SLCO6A1: variants seen among roughly 807,000 people sequenced by gnomAD.
SLCO6A1 encodes the protein solute carrier organic anion transporter family member 6A1, also known as cancer/testis antigen 48.
In SLCO6A1, 65 loss-of-function variants were observed where a neutral mutation model predicts 72.7. The observed-to-expected ratio is 0.89, with a 90% CI of 0.73 to 1.10. The LOEUF is 1.10. Ranked by LOEUF, SLCO6A1 falls within the 50% of genes least tolerant of loss-of-function variation. The probability of loss-of-function intolerance (pLI) is 0.00; values close to 1 mark genes in which losing one functional copy is unlikely to be tolerated. For missense variants in SLCO6A1, 874 were observed against 872.6 expected, an observed-to-expected ratio of 1.00 and a Z score of -0.02; for synonymous variants, 314 against 298.2, an observed-to-expected ratio of 1.05 and a Z score of -0.55.
chr5:102,422,134 A>G (rs1748642046), intron 7 of SLCO6A1, among the ~76,000 whole-genome samples: 1 of 152,224 alleles, frequency 6.6e-6, no homozygotes, highest in South Asian at 2.1e-4. Context: ...GGCATCAAAG[A>G]TCAAAGGTAG....
chr5:102,376,238 T>C (rs7715217), intron 12 of SLCO6A1, among the ~76,000 whole-genome samples: 98,322 of 151,888 alleles, frequency 0.65, 32,031 homozygotes, highest in African/African-American at 0.67. Context: ...TAAACAAAAA[T>C]GTAAAATAAT....
intron 10 of SLCO6A1, among the ~76,000 whole-genome samples, chr5:102,392,508 G>C (rs1309204281): frequency 1.3e-5 from 2 of 152,028 alleles, no homozygotes; most frequent in African/African-American, 2.4e-5. Flanking sequence ...TTATTCATAA[G>C]TATAATCATT....
chr5:102,387,297 G>A (rs1177491979), intron 12 of SLCO6A1, among the ~76,000 whole-genome samples: 2 of 151,960 alleles, frequency 1.3e-5, no homozygotes, highest in Non-Finnish European at 2.9e-5. Flanking sequence ...CTCTATCTTT[G>A]CCTTTTCTAT....
chr5:102,390,656 C>T (rs6874093), intron 11 of SLCO6A1, among the ~76,000 whole-genome samples: 98,401 of 151,926 alleles, frequency 0.65, 32,073 homozygotes, highest in African/African-American at 0.67. Flanking sequence ...TTCCCAAACA[C>T]GCAAGCAATG....
At chr5:102,420,918 C>A (rs370020844) in intron 7 of SLCO6A1, among the ~76,000 whole-genome samples, 4 of 151,990 alleles carry the variant, frequency 2.6e-5, no homozygotes, top group African/African-American at 9.7e-5. Flanking sequence ...CTGAGGTACC[C>A]GGTTCATCTC....
intron 6 of SLCO6A1, among the ~76,000 whole-genome samples, chr5:102,443,353 C>G: frequency 6.6e-6 from 1 of 152,182 alleles, no homozygotes; most frequent in East Asian, 1.9e-4. Context: ...TTCTCTTTCT[C>G]AATGGCCCTT....
chr5:102,474,081 A>G (rs1751769559), intron 4 of SLCO6A1, among the ~76,000 whole-genome samples: 1 of 152,008 alleles, frequency 6.6e-6, no homozygotes, highest in Non-Finnish European at 1.5e-5. Flanking sequence ...AAAATAGAAA[A>G]AAAATCATGT....
chr5:102,484,225 T>C (rs1752337390), intron 1 of SLCO6A1, among the ~76,000 whole-genome samples: 1 of 152,220 alleles, frequency 6.6e-6, no homozygotes, highest in Non-Finnish European at 1.5e-5. Flanking sequence ...GGCACAAATA[T>C]CACTGTTTTC....
At chr5:102,394,149 T>C (rs1339402078) in intron 10 of SLCO6A1, among the ~76,000 whole-genome samples, 1 of 152,188 alleles carries the variant, frequency 6.6e-6, no homozygotes, top group Non-Finnish European at 1.5e-5. Flanking sequence ...CTTTAGTCCT[T>C]TGCCTCTTTT....
In SLCO6A1 at chr5:102,459,713, C is replaced by T. The variant is rs185327147; in HGVS notation, c.964G>A (p.Ala322Thr). 450 of 1,609,798 alleles carry T rather than the reference C, an allele frequency of 2.8e-4. 1 individual carries two copies. The East Asian group carries it at 7.4e-3, about 26-fold the overall frequency. Residue 322 changes from alanine (A) to threonine (T), a missense_variant, in exon 5 of 14, where the codon GCT becomes ACT. By Grantham distance (58) the Ala-to-Thr change is moderately conservative. Coordinates refer to ENST00000506729, the MANE Select transcript of SLCO6A1 (RefSeq NM_173488.5). ...WTWWINFLFA[A>T]VVAWCTLIPL... Reference sequence around the variant, plus strand: ...ATTAATGTACACCATGCAACGACAGCGGCAAAAAGAAAATTAATCCACCAA... The same window carrying T: ...ATTAATGTACACCATGCAACGACAGTGGCAAAAAGAAAATTAATCCACCAA...
intron 8 of SLCO6A1, among the ~76,000 whole-genome samples, chr5:102,415,219 T>C (rs543546006): frequency 1.6e-4 from 24 of 152,212 alleles, no homozygotes; most frequent in African/African-American, 5.5e-4. Context: ...AAAATGCATA[T>C]ACAAACAAAA....
Position 102,412,983 on chromosome 5 carries a change from T to A in SLCO6A1, c.1626+7A>T, listed in dbSNP as rs1748070288. 8.0e-7 allele frequency: 1 copy of A among 1,257,444 alleles called. No homozygotes were observed. Among genetic ancestry groups the A allele is most frequent in the Non-Finnish European group, 1.0e-6 (1 of 965,298 alleles). The allele number at this position is 1,257,444 out of a possible 1,614,324, so 77.9% of individuals were successfully genotyped here. A position where few individuals can be genotyped will look rare whatever the true frequency, so the allele number is the denominator to read the frequency against. On this transcript the variant is annotated splice_region_variant and intron_variant, in intron 9 of 13. Transcript: ENST00000506729. ...AACAAAACATAATAATTATAAAAAA[T>A]AATTACCTTTTTTTGGTTTTGTGCT...
chr5:102,411,142 G>A (rs1419833708), intron 9 of SLCO6A1, among the ~76,000 whole-genome samples: 2 of 152,028 alleles, frequency 1.3e-5, no homozygotes, highest in South Asian at 2.1e-4. Context: ...AGGCTGTTTC[G>A]TTCAACTTTG....
At chr5:102,406,639 T>C (rs1422284230) in intron 9 of SLCO6A1, among the ~76,000 whole-genome samples, 4 of 152,020 alleles carry the variant, frequency 2.6e-5, no homozygotes, top group Admixed American at 1.3e-4. Flanking sequence ...GCAGAGTTAA[T>C]AGTAAGAATG....
chr5:102,403,950 C>T lies in SLCO6A1; in HGVS notation c.1627-4208G>A, dbSNP rs1323886888. On this transcript the variant is annotated intron_variant, in intron 9 of 13. Coordinates refer to ENST00000506729, the MANE Select transcript of SLCO6A1 (RefSeq NM_173488.5). ...CTTATTTTTTCTAATTATTTTTCTACTTTTTATTTTTCTTATTTTTTGACT... is the reference window on the plus strand; with the variant it reads ...CTTATTTTTTCTAATTATTTTTCTATTTTTTATTTTTCTTATTTTTTGACT... Among the ~76,000 whole-genome samples the T allele has an allele frequency of 2.6e-5, 4 of 152,026 alleles. No individual in the cohort carries two copies. In the East Asian group the frequency reaches 7.7e-4, roughly 29 times the overall value.
intron 6 of SLCO6A1, among the ~76,000 whole-genome samples, chr5:102,447,987 A>C (rs1235880360): frequency 2.0e-5 from 3 of 152,068 alleles, no homozygotes; most frequent in African/African-American, 7.2e-5. Flanking sequence ...AGACATTTGT[A>C]ACTTTTTTAT....
In SLCO6A1 at chr5:102,459,305, A is replaced by G. The variant is rs200774315; in HGVS notation, c.1021+351T>C. Among the ~76,000 whole-genome samples, 9 of 152,226 alleles carry G rather than the reference A, an allele frequency of 5.9e-5. 1 individual carries two copies. In the East Asian group the frequency reaches 1.7e-3, roughly 29 times the overall value. Reference sequence around the variant, plus strand: ...CATGGTGGCATGCACCTGTAGTCCAATTCTACTCTGGAGGTGAGGCAGGAG... The same window carrying G: ...CATGGTGGCATGCACCTGTAGTCCAGTTCTACTCTGGAGGTGAGGCAGGAG... On this transcript the variant is annotated intron_variant, in intron 5 of 13. Coordinates refer to ENST00000506729, the MANE Select transcript of SLCO6A1 (RefSeq NM_173488.5).
At chr5:102,459,265 T>A (rs1182855131) in intron 5 of SLCO6A1, among the ~76,000 whole-genome samples, 1 of 152,116 alleles carries the variant, frequency 6.6e-6, no homozygotes, top group African/African-American at 2.4e-5. Context: ...GGAAAAATTT[T>A]AAAAACTTGC....
chr5:102,429,053 T>C (rs1749068518), intron 7 of SLCO6A1, among the ~76,000 whole-genome samples: 1 of 152,196 alleles, frequency 6.6e-6, no homozygotes. Context: ...TAAGTGATAC[T>C]GAGGTTTTTT....
Sources: gnomAD v4.1 joint callset for allele counts (sites outside exome capture counted in the v4.1 genomes callset) on GRCh38, gnomAD v4.1.1 for gene constraint, MANE v1.5 for transcripts, NCBI Gene and HGNC (gene_info 2026-07-23, HGNC 2026-07-21) for gene names.